The following AR variants were observed in gnomAD, a reference collection of about 807,000 sequenced individuals.
AR encodes dihydrotestosterone receptor.
In AR, 8 loss-of-function variants were observed where a neutral mutation model predicts 53.9. That is an observed-to-expected ratio of 0.15 (90% CI 0.09 to 0.27). The LOEUF is 0.27. AR is among the 10% of genes least tolerant of loss of function. AR has a pLI of 1.00. For missense variants in AR, 639 were observed against 742.5 expected (o/e 0.86, Z 1.62); for synonymous variants, 359 against 316.4 (o/e 1.13, Z -1.43).
At chrX:67,657,793 C>T (rs757288977) in intron 2 of AR, among the ~76,000 whole-genome samples, 116 of 111,790 alleles carry the variant, frequency 1.0e-3, no homozygotes, top group African/African-American at 3.5e-3. Flanking sequence ...CTGTTTTGCT[C>T]GGTTGTCCTC....
chrX:67,546,061 T>C lies in AR; in HGVS notation c.915T>C (p.Asp305=), dbSNP rs1195604243. Reference sequence around the variant, plus strand: ...ACAGCGCAGGCAAGAGCACTGAAGATACTGCTGAGTATTCCCCTTTCAAGG... The same window carrying C: ...ACAGCGCAGGCAAGAGCACTGAAGACACTGCTGAGTATTCCCCTTTCAAGG... ...LDDSAGKSTE[D]TAEYSPFKGG... is the part of the protein sequence containing the mutation. Residue 305 remains aspartate (D), a synonymous_variant, in exon 1 of 8, where the codon GAT becomes GAC. Coordinates refer to ENST00000374690, the MANE Select transcript of AR (RefSeq NM_000044.6). The C allele has an allele frequency of 3.3e-6, 4 of 1,211,186 alleles. No homozygotes were observed. Among genetic ancestry groups the C allele is most frequent in the South Asian group, 1.8e-5 (1 of 56,939 alleles).
At chrX:67,707,602 G>C (rs1054885358) in intron 3 of AR, among the ~76,000 whole-genome samples, 2 of 111,850 alleles carry the variant, frequency 1.8e-5, no homozygotes, top group East Asian at 5.6e-4. Context: ...CAATTTGCCA[G>C]TCTGTGTCTT....
At chrX:67,618,892 A>G (rs1183813430) in intron 1 of AR, among the ~76,000 whole-genome samples, 1 of 111,631 alleles carries the variant, frequency 9.0e-6, no homozygotes, top group Non-Finnish European at 1.9e-5. Flanking sequence ...TACTGCTGGA[A>G]GGTCACATGG....
In AR at chrX:67,726,975, G is replaced by A. The variant is rs1438930008; in HGVS notation, c.*3134G>A. ...AGTGCTCGATGTGGACGAAGAGTGA[G>A]GAAGAGAAAAAGAAGGAGCACCAGG... On this transcript the variant is annotated 3_prime_UTR_variant, in exon 8 of 8. Coordinates refer to ENST00000374690, the MANE Select transcript of AR (RefSeq NM_000044.6). 2 of 173,615 alleles carry A rather than the reference G, an allele frequency of 1.2e-5. No individual in the cohort carries two copies. The highest frequency in any genetic ancestry group is 2.2e-5 in the Non-Finnish European group (2 of 90,248). The allele number at this position is 173,615 out of a possible 1,213,427, so 14.3% of individuals were successfully genotyped here.
At chrX:67,583,354 G>T (rs1922378062) in intron 1 of AR, among the ~76,000 whole-genome samples, 1 of 111,858 alleles carries the variant, frequency 8.9e-6, no homozygotes, top group African/African-American at 3.2e-5. Flanking sequence ...GTGTTTCTTT[G>T]TAAGGCAATA....
intron 1 of AR, among the ~76,000 whole-genome samples, chrX:67,557,413 A>G (rs1921104668): frequency 8.9e-6 from 1 of 112,324 alleles, no homozygotes; most frequent in African/African-American, 3.2e-5. Context: ...GAGCAGGTGC[A>G]TGGGCAGGGT....
At chrX:67,699,031 G>A (rs923349470) in intron 3 of AR, among the ~76,000 whole-genome samples, 10 of 111,903 alleles carry the variant, frequency 8.9e-5, no homozygotes, top group African/African-American at 2.9e-4. Context: ...AGTAATTAAC[G>A]GAGCCGGGAT....
At chrX:67,628,491 C>T (rs1286866811) in intron 1 of AR, among the ~76,000 whole-genome samples, 1 of 108,020 alleles carries the variant, frequency 9.3e-6, no homozygotes, top group Non-Finnish European at 1.9e-5. Flanking sequence ...GATTTTGTAT[C>T]CTGAGACTTT....
At chrX:67,576,473 C>T (rs186759245) in intron 1 of AR, among the ~76,000 whole-genome samples, 2 of 110,575 alleles carry the variant, frequency 1.8e-5, no homozygotes, top group East Asian at 2.8e-4. Flanking sequence ...AGAATTAAAT[C>T]ATGAGTTTGT....
At position 67,604,198 on chromosome X, in the gene AR, A is replaced by ATGTGTGTGTGTGTGTGTG. The variant is rs72092334; in HGVS notation, c.1617-39028_1617-39011dup. On this transcript the variant is annotated intron_variant, in intron 1 of 7. Transcript: ENST00000374690. Reference sequence around the variant, plus strand: ...AGAAGGTCAGAAGCTGGGGAGAAATATGTGTGTGTGTGTGTGTGTGTGTGT... The same window carrying ATGTGTGTGTGTGTGTGTG: ...AGAAGGTCAGAAGCTGGGGAGAAATATGTGTGTGTGTGTGTGTGTGTGTGTGTGTGTGTGTGTGTGTGT... Among the ~76,000 whole-genome samples, 242 of 78,136 alleles carry ATGTGTGTGTGTGTGTGTG rather than the reference A, an allele frequency of 3.1e-3. 4 individuals are homozygous for ATGTGTGTGTGTGTGTGTG. The highest frequency in any genetic ancestry group is 0.011 in the African/African-American group (229 of 20,481). 67.9% of individuals were successfully genotyped at this position (78,136 alleles called of 115,157 possible).
intron 3 of AR, among the ~76,000 whole-genome samples, chrX:67,699,495 G>A (rs2076033971): frequency 8.9e-6 from 1 of 111,950 alleles, no homozygotes; most frequent in African/African-American, 3.3e-5. Context: ...CTCTACGGAT[G>A]TCTTTCCTGG....
chrX:67,684,600 G>C (rs2075955408), intron 2 of AR, among the ~76,000 whole-genome samples: 1 of 111,164 alleles, frequency 9.0e-6, no homozygotes, highest in Non-Finnish European at 1.9e-5. Flanking sequence ...AGAAAGGAAG[G>C]AAAGAAGAAA....
chrX:67,677,872 A>G (rs1206746694), intron 2 of AR, among the ~76,000 whole-genome samples: 2 of 110,730 alleles, frequency 1.8e-5, no homozygotes. Context: ...AAGGACTCCT[A>G]ATTTTTCTTA....
chrX:67,714,078 G>A (rs1602274186), intron 4 of AR, among the ~76,000 whole-genome samples: 1 of 111,970 alleles, frequency 8.9e-6, no homozygotes, highest in East Asian at 2.8e-4. Context: ...TATGAAAATT[G>A]CCTAGTAGAG....
At position 67,559,171 on chromosome X, in the gene AR, G is replaced by A. The variant is rs1403142188; in HGVS notation, c.1616+12409G>A. Among the ~76,000 whole-genome samples the A allele has an allele frequency of 3.6e-5, 4 of 112,058 alleles. No individual in the cohort carries two copies. The South Asian group carries it at 1.5e-3, about 42-fold the overall frequency. On this transcript the variant is annotated intron_variant, in intron 1 of 7. Transcript: ENST00000374690. Reference sequence around the variant, plus strand: ...AGGATACTTAACCTAATGTCACATGGTGAGTAAGTAGCAGAACCGGAACTT... The same window carrying A: ...AGGATACTTAACCTAATGTCACATGATGAGTAAGTAGCAGAACCGGAACTT...
intron 1 of AR, among the ~76,000 whole-genome samples, chrX:67,619,315 TTCTC>T (rs757078389): frequency 9.3e-6 from 1 of 108,003 alleles, no homozygotes; most frequent in Non-Finnish European, 1.9e-5. Flanking sequence ...GAGGCAAAGA[TTCTC>T]TCTCTCTCTC....
At chrX:67,696,180 A>G in intron 3 of AR, 1 of 711,303 alleles carries the variant, frequency 1.4e-6, no homozygotes, top group Non-Finnish European at 1.7e-6. Context: ...TTTGCTTTCC[A>G]GGTCATGCTG....
intron 1 of AR, among the ~76,000 whole-genome samples, chrX:67,626,407 A>G (rs1333234249): frequency 9.7e-6 from 1 of 103,476 alleles, no homozygotes; most frequent in Non-Finnish European, 2.0e-5. Context: ...TCTAGTTCCA[A>G]CCATGTTGGT....
chrX:67,708,276 C>G (rs1356153590), intron 3 of AR, among the ~76,000 whole-genome samples: 2 of 111,894 alleles, frequency 1.8e-5, no homozygotes, highest in Non-Finnish European at 3.8e-5. Context: ...CTTTCAGGTA[C>G]ACCAATCAGA....
Sources: allele counts gnomAD v4.1 joint callset (sites outside exome capture counted in the v4.1 genomes callset), GRCh38; gene constraint gnomAD v4.1.1; transcripts MANE v1.5; gene names NCBI Gene and HGNC (gene_info 2026-07-23, HGNC 2026-07-21).